Variants in SLC2A9 observed in about 807,000 individuals in gnomAD.
SLC2A9 encodes the protein solute carrier family 2, facilitated glucose transporter member 9.
SLC2A9 carries 39 observed loss-of-function variants against 50.6 expected under a neutral mutation model. The observed-to-expected ratio is 0.77, with a 90% CI of 0.60 to 1.01. SLC2A9 has a LOEUF of 1.01. Ranked by LOEUF, SLC2A9 falls within the 50% of genes least tolerant of loss-of-function variation. SLC2A9 has a pLI of 0.00. For synonymous variants in SLC2A9, 324 were observed against 276.9 expected, an observed-to-expected ratio of 1.17 and a Z score of -1.69; for missense variants, 686 against 677.6, an observed-to-expected ratio of 1.01 and a Z score of -0.14.
chr4:10,026,239 A>G (rs1410658316), upstream of SLC2A9, among the ~76,000 whole-genome samples: 3 of 152,192 alleles, frequency 2.0e-5, no homozygotes, highest in African/African-American at 7.2e-5. Flanking sequence ...ATTATTAAAT[A>G]CAGGCAATGA....
intron 10 of SLC2A9, among the ~76,000 whole-genome samples, chr4:9,883,998 A>G (rs185512663): frequency 1.9e-3 from 295 of 152,240 alleles, no homozygotes; most frequent in Middle Eastern, 0.01. Context: ...CTTTTCACCT[A>G]CTGGATGCAG....
chr4:9,782,746 C>T (rs772633389), intron 3 of SLC2A9: 2 of 1,613,992 alleles, frequency 1.2e-6, no homozygotes, highest in South Asian at 1.1e-5. Context: ...TCCCCGTTGC[C>T]ATCATGATCG....
intron 5 of SLC2A9, among the ~76,000 whole-genome samples, chr4:9,947,669 T>G (rs1235248652): frequency 6.6e-6 from 1 of 152,022 alleles, no homozygotes; most frequent in Non-Finnish European, 1.5e-5. Flanking sequence ...CAATCCAAAG[T>G]CTATACTCCA....
At chr4:9,844,151 AAAAAAAAATAATAAT>A (rs1241252808) in intron 10 of SLC2A9, among the ~76,000 whole-genome samples, 2 of 91,640 alleles carry the variant, frequency 2.2e-5, no homozygotes, top group South Asian at 6.1e-4. Context: ...AGATTTAGTA[AAAAAAAAATAATAAT>A]AAAAAAAAAA....
chr4:9,819,911 G>A (rs904212945), intron 3 of SLC2A9, among the ~76,000 whole-genome samples: 7 of 152,240 alleles, frequency 4.6e-5, no homozygotes, highest in African/African-American at 1.4e-4. Context: ...TCCAGCCTGG[G>A]TGACAGAGCG....
intron 10 of SLC2A9, among the ~76,000 whole-genome samples, chr4:9,884,898 C>T (rs1735903184): frequency 6.6e-6 from 1 of 152,110 alleles, no homozygotes; most frequent in African/African-American, 2.4e-5. Flanking sequence ...AAGCCATTAT[C>T]CTCAGCAAAC....
chr4:9,889,257 G>A (rs1027397764), intron 9 of SLC2A9, among the ~76,000 whole-genome samples: 9 of 152,184 alleles, frequency 5.9e-5, no homozygotes, highest in African/African-American at 2.2e-4. Flanking sequence ...AGCCCTAGGA[G>A]AGGAAACTGC....
chr4:9,841,693 TTCTC>T (rs911733459), intron 10 of SLC2A9, among the ~76,000 whole-genome samples: 4 of 152,106 alleles, frequency 2.6e-5, no homozygotes, highest in African/African-American at 9.7e-5. Context: ...ATCTGGGTTC[TTCTC>T]TCTCTCTTCT....
At chr4:9,792,605 T>C (rs1205999836) in intron 3 of SLC2A9, 1 of 152,232 alleles carries the variant, frequency 6.6e-6, no homozygotes, top group Non-Finnish European at 1.5e-5. Flanking sequence ...TTGCTGACCT[T>C]CTGTGCCTCT....
chr4:9,866,302 G>C (rs1038213741), intron 10 of SLC2A9, among the ~76,000 whole-genome samples: 10 of 151,852 alleles, frequency 6.6e-5, no homozygotes, highest in African/African-American at 2.2e-4. Context: ...AGAACACTCT[G>C]GGCACACCTC....
intron 10 of SLC2A9, among the ~76,000 whole-genome samples, chr4:9,846,868 T>C (rs1258268598): frequency 1.3e-5 from 2 of 152,218 alleles, no homozygotes; most frequent in African/African-American, 2.4e-5. Context: ...CCCCCCCAAA[T>C]GCCTAGAAAT....
At chr4:9,942,387 T>A (rs748237775) in intron 5 of SLC2A9, among the ~76,000 whole-genome samples, 1 of 152,188 alleles carries the variant, frequency 6.6e-6, no homozygotes, top group Non-Finnish European at 1.5e-5. Flanking sequence ...TCTTAGGGTC[T>A]CCTTCTCTTC....
chr4:9,782,121 C>A (rs952051787), intron 3 of SLC2A9: 3 of 1,545,942 alleles, frequency 1.9e-6, no homozygotes, highest in Non-Finnish European at 2.6e-6. Context: ...GGGGGCTCGG[C>A]GGGGGCACCG....
At position 9,979,576 on chromosome 4, in the gene SLC2A9, G is replaced by T. The variant is rs1002167373; in HGVS notation, c.681+1016C>A. Among the ~76,000 whole-genome samples, 33 of 152,068 alleles carry T rather than the reference G, an allele frequency of 2.2e-4. 1 individual carries two copies. The highest frequency in any genetic ancestry group is 6.5e-5 in the Admixed American group (1 of 15,268). On this transcript the variant is annotated intron_variant, in intron 5 of 11. Transcript: ENST00000264784. ...CTTTATCCCCATGTCTACCACCTCA[G>T]TCGCAGCTGCATCCTTCCCTTACCA...
chr4:9,850,187 C>T (rs1378115897), intron 10 of SLC2A9, among the ~76,000 whole-genome samples: 1 of 152,092 alleles, frequency 6.6e-6, no homozygotes, highest in East Asian at 1.9e-4. Flanking sequence ...ATGAGTTGAA[C>T]AGGTGAGGAA....
intron 10 of SLC2A9, among the ~76,000 whole-genome samples, chr4:9,853,404 G>T (rs752158627): frequency 4.9e-4 from 74 of 152,230 alleles, no homozygotes; most frequent in Non-Finnish European, 8.5e-4. Context: ...ATAACACAAA[G>T]AAGTGCATTA....
chr4:9,836,325 G>A (rs554580295), intron 10 of SLC2A9, among the ~76,000 whole-genome samples: 1 of 152,180 alleles, frequency 6.6e-6, no homozygotes, highest in South Asian at 2.1e-4. Flanking sequence ...ATAAAAAAGG[G>A]GAGTGAGCAA....
At chr4:9,891,052 A>T (rs554766725) in intron 8 of SLC2A9, among the ~76,000 whole-genome samples, 1 of 152,304 alleles carries the variant, frequency 6.6e-6, no homozygotes, top group South Asian at 2.1e-4. Flanking sequence ...TTCAGAGGCA[A>T]CCTGCATGGA....
chr4:9,890,083 G>C (rs1270218957), intron 9 of SLC2A9, among the ~76,000 whole-genome samples: 1 of 152,150 alleles, frequency 6.6e-6, no homozygotes, highest in Non-Finnish European at 1.5e-5. Flanking sequence ...TGGATGAAGG[G>C]ACGACTGTTT....
Sources: allele counts gnomAD v4.1 joint callset (sites outside exome capture counted in the v4.1 genomes callset), GRCh38; gene constraint gnomAD v4.1.1; transcripts MANE v1.5; gene names NCBI Gene and HGNC (gene_info 2026-07-23, HGNC 2026-07-21).